The following ABLIM2 variants were observed in gnomAD, a reference collection of about 807,000 sequenced individuals.
ABLIM2 encodes the protein actin binding LIM protein family member 2, also known as actin-binding LIM protein 2.
A neutral mutation model predicts 97.7 loss-of-function variants in ABLIM2; 53 were observed. The observed-to-expected ratio is 0.54, with a 90% confidence interval of 0.44 to 0.68. The LOEUF is 0.68. Among genes scored for constraint, ABLIM2 ranks in the 30% least tolerant of loss-of-function variants. The pLI is 0.00. For synonymous variants in ABLIM2, 361 were observed against 345.8 expected, an observed-to-expected ratio of 1.04 and a Z score of -0.49; for missense variants, 835 against 867.2, an observed-to-expected ratio of 0.96 and a Z score of 0.47.
rs537081156 is a variant in ABLIM2, at chr4:8,075,490, C to T, written c.675+2138G>A. Among the ~76,000 whole-genome samples, 72 of 152,092 alleles carry T rather than the reference C, an allele frequency of 4.7e-4. No homozygotes were observed. Among genetic ancestry groups the T allele is most frequent in the African/African-American group, 1.5e-3 (62 of 41,488 alleles). Reference sequence around the variant, plus strand: ...GGTGAATTGCTTAAGTTCAGGAGCTCGAGACCAGCTTGGGTGACATAGTGA... The same window carrying T: ...GGTGAATTGCTTAAGTTCAGGAGCTTGAGACCAGCTTGGGTGACATAGTGA... On this transcript the variant is annotated intron_variant, in intron 6 of 20. Coordinates refer to ENST00000447017, the MANE Select transcript of ABLIM2 (RefSeq NM_001130083.2). The surrounding 1 kb of genome is among the most constrained non-coding windows in gnomAD (Gnocchi z 4.4).
chr4:8,129,071 G>A (rs188306202), intron 1 of ABLIM2, among the ~76,000 whole-genome samples: 143 of 152,100 alleles, frequency 9.4e-4, no homozygotes, highest in African/African-American at 3.1e-3. Flanking sequence ...CCCATAGGTT[G>A]TGCCCATCCA....
chr4:7,988,056 C>T, intron 17 of ABLIM2, among the ~76,000 whole-genome samples: 1 of 152,204 alleles, frequency 6.6e-6, no homozygotes, highest in Non-Finnish European at 1.5e-5. Flanking sequence ...CAGAGTCTCG[C>T]TCTGTCACCC....
chr4:8,094,496 A>G (rs1253943167), intron 3 of ABLIM2, among the ~76,000 whole-genome samples: 1 of 152,220 alleles, frequency 6.6e-6, no homozygotes, highest in Non-Finnish European at 1.5e-5. Flanking sequence ...TCGAGCAAGC[A>G]GGGTATACGT....
intron 16 of ABLIM2, 88 bp from the exon 17 acceptor site, chr4:7,993,015 G>T: frequency 7.5e-7 from 1 of 1,332,906 alleles, no homozygotes; most frequent in Non-Finnish European, 1.1e-6. Context: ...CCACCGGGGT[G>T]GGCAAGGCTG....
At chr4:7,975,288 C>T (rs1396381489) in intron 20 of ABLIM2, among the ~76,000 whole-genome samples, 1 of 152,334 alleles carries the variant, frequency 6.6e-6, no homozygotes, top group African/African-American at 2.4e-5. Context: ...TCAGCAACAC[C>T]TTAGTTTGAA....
rs191287560 is a variant in ABLIM2 at position 8,082,389 on chromosome 4, G to A, written c.455-1587C>T. 3.7e-4 allele frequency among the ~76,000 whole-genome samples: 57 copies of A among 152,326 alleles called. No individual in the cohort carries two copies. Among genetic ancestry groups the A allele is most frequent in the African/African-American group, 1.3e-3 (56 of 41,572 alleles). On this transcript the variant is annotated intron_variant, in intron 4 of 20. Transcript: ENST00000447017. This position sits in a 1 kb window ranked among gnomAD's most constrained non-coding sequence, Gnocchi z 5.6. ...CCCGGATCCAGTGCTAATTTACACA[G>A]AAGACCTGGCCCAAAGCCTTGCGCA...
chr4:7,972,558 T>G (rs1728983495), intron 20 of ABLIM2, among the ~76,000 whole-genome samples: 1 of 152,230 alleles, frequency 6.6e-6, no homozygotes, highest in Admixed American at 6.5e-5. Context: ...ACAAGATGTC[T>G]GGTCTGCATT....
chr4:7,979,563 G>GT (rs1736364139), intron 20 of ABLIM2, among the ~76,000 whole-genome samples: 1 of 152,216 alleles, frequency 6.6e-6, no homozygotes, highest in Non-Finnish European at 1.5e-5. Flanking sequence ...TGTCACCTTT[G>GT]TTTCTCTGAT....
Position 8,044,806 on chromosome 4 carries a change from ACT to A in ABLIM2, c.900+356_900+357del, listed in dbSNP as rs1791226931. Among the ~76,000 whole-genome samples, 1 of 151,736 alleles carries A rather than the reference ACT, an allele frequency of 6.6e-6. No individual in the cohort carries two copies. The highest frequency in any genetic ancestry group is 6.6e-5 in the Admixed American group (1 of 15,230). ...CACAGATCCGTGCCGTTATTTGCAA[ACT>A]CTGCAGGGTCCCGCCTGGGTGTCTG... is the stretch of plus-strand genomic sequence containing the variant. On this transcript the variant is annotated intron_variant, in intron 9 of 20. Coordinates refer to ENST00000447017, the MANE Select transcript of ABLIM2 (RefSeq NM_001130083.2). The surrounding 1 kb of genome is among the most constrained non-coding windows in gnomAD (Gnocchi z 4.4).
rs570130371 is a variant in ABLIM2, at chr4:7,999,970, T to G, written c.1619-7043A>C. Among the ~76,000 whole-genome samples the G allele has an allele frequency of 9.9e-5, 15 of 152,236 alleles. No homozygotes were observed. Among genetic ancestry groups the G allele is most frequent in the Non-Finnish European group, 1.5e-4 (10 of 68,002 alleles). On this transcript the variant is annotated intron_variant, in intron 16 of 20. Coordinates refer to ENST00000447017, the MANE Select transcript of ABLIM2 (RefSeq NM_001130083.2). This position sits in a 1 kb window ranked among gnomAD's most constrained non-coding sequence, Gnocchi z 4.4. ...GCTGGACATTCAAGGCCGGGCACCT[T>G]GTGGGCAGAGGACTGTGGCTCACAC... is the stretch of plus-strand genomic sequence containing the variant.
intron 1 of ABLIM2, among the ~76,000 whole-genome samples, chr4:8,121,599 C>T (rs1845488207): frequency 6.6e-6 from 1 of 152,228 alleles, no homozygotes; most frequent in Non-Finnish European, 1.5e-5. Flanking sequence ...GCCAGGCCAA[C>T]ACCAAGGCTC....
intron 1 of ABLIM2, among the ~76,000 whole-genome samples, chr4:8,129,262 G>A (rs1010049860): frequency 1.2e-4 from 18 of 152,212 alleles, no homozygotes; most frequent in East Asian, 5.8e-4. Context: ...GCAGAAATAC[G>A]TATGCCCCGC....
rs937095287 is a variant in ABLIM2, at chr4:8,120,672, G to A, written c.11-14035C>T. 6.6e-6 allele frequency among the ~76,000 whole-genome samples: 1 copy of A among 152,156 alleles called. No homozygotes were observed. The highest frequency in any genetic ancestry group is 1.5e-5 in the Non-Finnish European group (1 of 68,030). ...CTGTGTGCTCTGTCGTGGGAGCATG[G>A]GAAACCAGCAGGAGCACTTCTCAGC... On this transcript the variant is annotated intron_variant, in intron 1 of 20. Coordinates refer to ENST00000447017, the MANE Select transcript of ABLIM2 (RefSeq NM_001130083.2). The surrounding 1 kb of genome is among the most constrained non-coding windows in gnomAD (Gnocchi z 5.6).
At chr4:8,116,682 T>C (rs956058521) in intron 1 of ABLIM2, among the ~76,000 whole-genome samples, 1 of 152,206 alleles carries the variant, frequency 6.6e-6, no homozygotes, top group Non-Finnish European at 1.5e-5. Context: ...TGTTACTGAA[T>C]AGTTCTTAAG....
chr4:8,104,860 C>T (rs1023011187), intron 2 of ABLIM2, among the ~76,000 whole-genome samples: 1 of 152,208 alleles, frequency 6.6e-6, no homozygotes, highest in Admixed American at 6.5e-5. Flanking sequence ...CAGGACTCTA[C>T]ACACAGTCTT....
intron 1 of ABLIM2, among the ~76,000 whole-genome samples, chr4:8,158,044 C>G (rs1715960563): frequency 6.6e-6 from 1 of 152,246 alleles, no homozygotes; most frequent in Admixed American, 6.5e-5. Context: ...CAGCCCCGCA[C>G]AGAGGCTGTC....
At position 8,001,848 on chromosome 4, in the gene ABLIM2, C is replaced by T. The variant is rs890407200; in HGVS notation, c.1618+6211G>A. Among the ~76,000 whole-genome samples the T allele has an allele frequency of 6.6e-5, 10 of 152,188 alleles. No homozygotes were observed. The highest frequency in any genetic ancestry group is 1.0e-4 in the Non-Finnish European group (7 of 68,028). ...GGCTTTCTCCCTCCTGGGCGCTCCT[C>T]CCCACTTCCTCTGTGGAATCTCCTG... On this transcript the variant is annotated intron_variant, in intron 16 of 20. Transcript: ENST00000447017. This position sits in a 1 kb window ranked among gnomAD's most constrained non-coding sequence, Gnocchi z 4.2.
At position 8,032,183 on chromosome 4, in the gene ABLIM2, A is replaced by G. The variant is rs13129644; in HGVS notation, c.1048-2407T>C. Among the ~76,000 whole-genome samples, 29,552 of 138,982 alleles carry G rather than the reference A, an allele frequency of 0.21. 3,339 individuals are homozygous for G. The highest frequency in any genetic ancestry group is 0.27 in the Non-Finnish European group (18,076 of 65,784). 91.2% of individuals were successfully genotyped at this position (138,982 alleles called of 152,430 possible). A position where few individuals can be genotyped will look rare whatever the true frequency, so the allele number is the denominator to read the frequency against. Reference sequence around the variant, plus strand: ...TGATTGGCAGCTCTCTATGTCACTGATTAATTTTGAGAAACAGAAAAAAAA... The same window carrying G: ...TGATTGGCAGCTCTCTATGTCACTGGTTAATTTTGAGAAACAGAAAAAAAA... On this transcript the variant is annotated intron_variant, in intron 10 of 20. Transcript: ENST00000447017. The surrounding 1 kb of genome is among the most constrained non-coding windows in gnomAD (Gnocchi z 4.3).
chr4:8,098,901 T>G (rs889192241), intron 2 of ABLIM2, among the ~76,000 whole-genome samples: 8 of 152,218 alleles, frequency 5.3e-5, no homozygotes, highest in Non-Finnish European at 8.8e-5. Flanking sequence ...TGATTCTGAA[T>G]TCTGTCTCAA....
Sources: gnomAD v4.1 joint callset for allele counts (sites outside exome capture counted in the v4.1 genomes callset) on GRCh38, gnomAD v4.1.1 for gene constraint, Gnocchi (gnomAD v3.1) non-coding constraint, MANE v1.5 for transcripts, NCBI Gene and HGNC (gene_info 2026-07-23, HGNC 2026-07-21) for gene names.